Variants in DCDC2 observed in about 807,000 individuals in gnomAD.
DCDC2 encodes doublecortin domain-containing protein 2.
Under a neutral mutation model 50.2 loss-of-function variants are expected in DCDC2, and 40 were observed. The observed-to-expected ratio is 0.80, with a 90% CI of 0.62 to 1.04. The LOEUF is 1.04. Among genes scored for constraint, DCDC2 ranks in the 50% least tolerant of loss-of-function variants. The pLI, the probability that DCDC2 is intolerant of heterozygous loss-of-function variation, is 0.00. For missense variants in DCDC2, 570 were observed against 581.9 expected, an observed-to-expected ratio of 0.98 and a Z score of 0.21; for synonymous variants, 234 against 210.6, an observed-to-expected ratio of 1.11 and a Z score of -0.96.
intron 7 of DCDC2, among the ~76,000 whole-genome samples, chr6:24,253,491 A>T (rs935825345): frequency 2.0e-5 from 3 of 152,196 alleles, no homozygotes; most frequent in African/African-American, 7.2e-5. Context: ...TTGTTAGGCA[A>T]CTTCATTGTT....
At chr6:24,288,082 T>C (rs991135383) in intron 6 of DCDC2, among the ~76,000 whole-genome samples, 6 of 152,192 alleles carry the variant, frequency 3.9e-5, no homozygotes, top group African/African-American at 1.4e-4. Context: ...TAGGAGACAA[T>C]ATCATTGCCT....
rs149354141 is a variant in DCDC2 at position 24,225,408 on chromosome 6, T to TAC, written c.923-20308_923-20307dup. Among the ~76,000 whole-genome samples, 556 of 151,470 alleles carry TAC rather than the reference T, an allele frequency of 3.7e-3. 1 individual carries two copies. Among genetic ancestry groups the TAC allele is most frequent in the Non-Finnish European group, 4.7e-3 (322 of 67,818 alleles). ...CAGAAAAACATGCAGTTAAACTTGA[T>TAC]ACACACACACACACACAAATATGTG... On this transcript the variant is annotated intron_variant, in intron 7 of 9. Transcript: ENST00000378454.
chr6:24,189,098 G>A (rs950209721), intron 8 of DCDC2, among the ~76,000 whole-genome samples: 1 of 152,000 alleles, frequency 6.6e-6, no homozygotes, highest in Non-Finnish European at 1.5e-5. Context: ...CGACACCAGC[G>A]TTGGCATTTT....
At chr6:24,309,654 C>T (rs1464662513) in intron 2 of DCDC2, among the ~76,000 whole-genome samples, 1 of 151,864 alleles carries the variant, frequency 6.6e-6, no homozygotes, top group East Asian at 1.9e-4. Context: ...CAAGAAAGAA[C>T]AAAAACAAAT....
intron 2 of DCDC2, among the ~76,000 whole-genome samples, chr6:24,309,033 G>C (rs1267807620): frequency 2.0e-5 from 3 of 152,094 alleles, no homozygotes; most frequent in African/African-American, 7.2e-5. Context: ...AAATATGTGA[G>C]TAATTTTTAA....
chr6:24,378,957 A>G, the DCDC2 span, among the ~76,000 whole-genome samples: 11 of 49,290 alleles, frequency 2.2e-4, no homozygotes, highest in East Asian at 2.5e-3. Context: ...TCTCATTTGG[A>G]AAAAAAAAAA....
At chr6:24,261,697 A>C (rs765354170) in intron 7 of DCDC2, among the ~76,000 whole-genome samples, 2 of 152,018 alleles carry the variant, frequency 1.3e-5, no homozygotes, top group Non-Finnish European at 2.9e-5. Flanking sequence ...ACCTGCCCCT[A>C]ATTTCCGAGG....
At chr6:24,247,033 A>G (rs1365439935) in intron 7 of DCDC2, among the ~76,000 whole-genome samples, 2 of 152,210 alleles carry the variant, frequency 1.3e-5, no homozygotes, top group East Asian at 3.8e-4. Context: ...CCTGTAAAGC[A>G]GTTTGCTAAG....
chr6:24,377,459 C>A, the DCDC2 span, among the ~76,000 whole-genome samples: 7 of 152,152 alleles, frequency 4.6e-5, no homozygotes, highest in African/African-American at 1.7e-4. Flanking sequence ...ACTAAGTAAA[C>A]ATTTGTATCT....
At chr6:24,262,173 C>T (rs1161031249) in intron 7 of DCDC2, among the ~76,000 whole-genome samples, 1 of 148,688 alleles carries the variant, frequency 6.7e-6, no homozygotes, top group Admixed American at 6.7e-5. Flanking sequence ...AATCTGTGTG[C>T]TTAGGGGAGG....
At chr6:24,294,652 C>A (rs1763823352) in intron 4 of DCDC2, among the ~76,000 whole-genome samples, 1 of 151,874 alleles carries the variant, frequency 6.6e-6, no homozygotes, top group Non-Finnish European at 1.5e-5. Context: ...TACCACTGAC[C>A]CTACAGAAAT....
chr6:24,295,825 CACAA>C (rs780576484), intron 4 of DCDC2, among the ~76,000 whole-genome samples: 15 of 151,994 alleles, frequency 9.9e-5, no homozygotes, highest in East Asian at 3.9e-4. Context: ...TCAGAGATGA[CACAA>C]ACAAACAGGA....
intron 2 of DCDC2, among the ~76,000 whole-genome samples, chr6:24,340,032 A>G (rs16889110): frequency 0.023 from 3,494 of 152,322 alleles, 134 homozygotes; most frequent in African/African-American, 0.078. Context: ...CTAAGTAAAA[A>G]TGCTGAAAAT....
At chr6:24,199,293 G>A (rs1386234275) in intron 8 of DCDC2, among the ~76,000 whole-genome samples, 1 of 152,184 alleles carries the variant, frequency 6.6e-6, no homozygotes, top group Non-Finnish European at 1.5e-5. Flanking sequence ...GCCCCTTTGG[G>A]ACAAAGCTTC....
intron 2 of DCDC2, among the ~76,000 whole-genome samples, chr6:24,347,369 T>C (rs1760284312): frequency 6.6e-6 from 1 of 152,082 alleles, no homozygotes; most frequent in Non-Finnish European, 1.5e-5. Flanking sequence ...CCACAACGCC[T>C]AGCACATAAC....
chr6:24,273,679 C>A (rs1763288940), intron 7 of DCDC2, among the ~76,000 whole-genome samples: 1 of 152,218 alleles, frequency 6.6e-6, no homozygotes, highest in African/African-American at 2.4e-5. Flanking sequence ...TACTGGGAAC[C>A]ATGCAAGTGC....
intron 7 of DCDC2, among the ~76,000 whole-genome samples, chr6:24,255,155 A>G (rs1242371455): frequency 6.6e-6 from 1 of 152,268 alleles, no homozygotes; most frequent in African/African-American, 2.4e-5. Flanking sequence ...ACAGAAACTG[A>G]TTCACATATA....
chr6:24,301,837 T>C lies in DCDC2; in HGVS notation c.435A>G (p.Ala145=), dbSNP rs766820077. 36 of 1,614,064 alleles carry C rather than the reference T, an allele frequency of 2.2e-5. No homozygotes were observed. Among genetic ancestry groups the C allele is most frequent in the South Asian group, 1.3e-4 (12 of 91,090 alleles). ...AAGCTGGGTTTATGAGGTCTCCATTTGCAATCAAGCTGGAAAACAGGGGGC... is the reference window on the plus strand; with the variant it reads ...AAGCTGGGTTTATGAGGTCTCCATTCGCAATCAAGCTGGAAAACAGGGGGC... ...LQEPCTIFLI[A]NGDLINPASR... The change falls in exon 4 of 10, where the codon GCA becomes GCG. Residue 145 remains alanine, a synonymous_variant. Transcript: ENST00000378454.
Position 24,201,547 on chromosome 6 carries a change from G to T in DCDC2, c.1023+3455C>A, listed in dbSNP as rs199716524. On this transcript the variant is annotated intron_variant, in intron 8 of 9. Coordinates refer to ENST00000378454, the MANE Select transcript of DCDC2 (RefSeq NM_016356.5). ...TAGCACTAAATGCCCACAGGAGAAA[G>T]CAGAAAAGATCTAAAATCTATATCC... Among the ~76,000 whole-genome samples the T allele has an allele frequency of 2.5e-4, 38 of 152,252 alleles. No individual in the cohort carries two copies. The South Asian group carries it at 6.6e-3, about 27-fold the overall frequency.
Sources: gnomAD v4.1 joint callset for allele counts (sites outside exome capture counted in the v4.1 genomes callset) on GRCh38, gnomAD v4.1.1 for gene constraint, MANE v1.5 for transcripts, NCBI Gene and HGNC (gene_info 2026-07-23, HGNC 2026-07-21) for gene names.